The following PRDM10 variants were observed in gnomAD, a reference collection of about 807,000 sequenced individuals.
The protein encoded by PRDM10 is PR/SET domain 10, also known as PR domain zinc finger protein 10.
PRDM10 carries 65 observed loss-of-function variants against 133.1 expected under a neutral mutation model. The ratio of observed to expected loss-of-function variants is 0.49; its 90% CI spans 0.40 to 0.60. PRDM10 has a LOEUF of 0.60. PRDM10 is among the 20% of genes least tolerant of loss of function. PRDM10 has a pLI of 0.00. For synonymous variants in PRDM10, 582 were observed against 580.4 expected (o/e 1.00, Z -0.04); for missense variants, 1,137 against 1,507.1 (o/e 0.75, Z 4.07).
At chr11:129,929,396 G>A (rs774013187) in intron 11 of PRDM10, 110 of 1,566,768 alleles carry the variant, frequency 7.0e-5, no homozygotes, top group Non-Finnish European at 8.7e-5. Flanking sequence ...GTGAAACACA[G>A]GAAACAAACC....
intron 7 of PRDM10, among the ~76,000 whole-genome samples, chr11:129,940,373 A>G (rs577294650): frequency 6.6e-6 from 1 of 152,288 alleles, no homozygotes; most frequent in African/African-American, 2.4e-5. Flanking sequence ...GATTAGATTT[A>G]CTCAGCCAAG....
intron 1 of PRDM10, among the ~76,000 whole-genome samples, chr11:129,966,072 C>A (rs917914677): frequency 2.0e-5 from 3 of 151,956 alleles, no homozygotes; most frequent in African/African-American, 7.3e-5. Flanking sequence ...GGTGAAACCC[C>A]ATCTCTACTA....
intron 19 of PRDM10, among the ~76,000 whole-genome samples, chr11:129,907,797 G>A (rs1950061708): frequency 6.6e-6 from 1 of 151,904 alleles, no homozygotes; most frequent in Non-Finnish European, 1.5e-5. Context: ...GGGTATTAAA[G>A]AATTACTGTT....
intron 6 of PRDM10, among the ~76,000 whole-genome samples, chr11:129,944,395 C>CCATCTTGGCTAA (rs373627728): frequency 6.6e-6 from 1 of 151,344 alleles, no homozygotes; most frequent in South Asian, 2.1e-4. Context: ...GAGATCGAGA[C>CCATCTTGGCTAA]CACGGTGAAA....
At chr11:129,934,569 C>G (rs1180933187) in intron 9 of PRDM10, among the ~76,000 whole-genome samples, 1 of 152,062 alleles carries the variant, frequency 6.6e-6, no homozygotes, top group Non-Finnish European at 1.5e-5. Flanking sequence ...AAAATACAAT[C>G]AACATCACAA....
intron 17 of PRDM10, among the ~76,000 whole-genome samples, chr11:129,914,037 T>C (rs1168585598): frequency 6.6e-6 from 1 of 152,206 alleles, no homozygotes; most frequent in Non-Finnish European, 1.5e-5. Context: ...AGTCCTGTTC[T>C]GTCGCCCAGG....
In PRDM10 at chr11:129,957,797, C is replaced by G. The variant is rs889640020; in HGVS notation, c.183G>C (p.Val61=). 1.2e-6 allele frequency: 2 copies of G among 1,614,194 alleles called. No individual in the cohort carries two copies. Reference sequence around the variant, plus strand: ...ACACCAGCGTGTGCTCTGGACCATCCACTGATGTGTAGGAGGCACCATCTG... The same window carrying G: ...ACACCAGCGTGTGCTCTGGACCATCGACTGATGTGTAGGAGGCACCATCTG... The part of the protein sequence containing the change: ...YTADGASYTS[V]DGPEHTLVYI... The change falls in exon 3 of 21, where the codon GTG becomes GTC. Residue 61 remains valine, a synonymous_variant. Coordinates refer to ENST00000360871, the MANE Select transcript of PRDM10 (RefSeq NM_199437.2).
At chr11:129,936,938 G>A (rs1248677706) in intron 8 of PRDM10, among the ~76,000 whole-genome samples, 1 of 152,222 alleles carries the variant, frequency 6.6e-6, no homozygotes, top group African/African-American at 2.4e-5. Context: ...AATACCAAAT[G>A]AGAATAAATA....
chr11:129,905,363 GAAAAAAA>G lies in PRDM10; in HGVS notation c.3267+268_3267+274del, dbSNP rs57268294. Among the ~76,000 whole-genome samples the G allele has an allele frequency of 1.7e-3, 121 of 69,444 alleles. 3 individuals carry two copies. The highest frequency in any genetic ancestry group is 5.7e-3 in the African/African-American group (108 of 18,896). 45.6% of individuals were successfully genotyped at this position (69,444 alleles called of 152,430 possible). A position where few individuals can be genotyped will look rare whatever the true frequency, so the allele number is the denominator to read the frequency against. ...GGCGACACAGCAAGACTCTGTCTCAGAAAAAAAAAAAAAAAAAAAAGGCTCATAGGGA... is the reference window on the plus strand; with the variant it reads ...GGCGACACAGCAAGACTCTGTCTCAGAAAAAAAAAAAAAGGCTCATAGGGA... On this transcript the variant is annotated intron_variant, in intron 20 of 20. Coordinates refer to ENST00000360871, the MANE Select transcript of PRDM10 (RefSeq NM_199437.2).
intron 19 of PRDM10, among the ~76,000 whole-genome samples, chr11:129,907,752 T>A (rs895264361): frequency 5.9e-5 from 9 of 151,974 alleles, no homozygotes; most frequent in African/African-American, 2.2e-4. Context: ...CATAGAAATA[T>A]AAAAACCCTG....
rs1027659954 is a variant in PRDM10, at chr11:129,961,149, C to A, written c.-118-67G>T. ...AATACATTTTAATATATTATAATTT[C>A]AACCACAAATAATAAAAGAAAGCTT... On this transcript the variant is annotated intron_variant, in intron 1 of 20. Coordinates refer to ENST00000360871, the MANE Select transcript of PRDM10 (RefSeq NM_199437.2). 8.3e-6 allele frequency: 4 copies of A among 479,520 alleles called. No homozygotes were observed. The Admixed American group carries it at 1.5e-4, about 18-fold the overall frequency. 29.7% of individuals were successfully genotyped at this position (479,520 alleles called of 1,614,324 possible).
chr11:129,937,534 T>A, intron 8 of PRDM10, 64 bp downstream of exon 8: 1 of 1,465,382 alleles, frequency 6.8e-7, no homozygotes, highest in Non-Finnish European at 9.3e-7. Flanking sequence ...AGAGGTTTCA[T>A]AAAGATGTGA....
chr11:129,963,452 A>AAGAGAAGAGAAGAGAAG (rs766469989), intron 1 of PRDM10, among the ~76,000 whole-genome samples: 10 of 150,892 alleles, frequency 6.6e-5, no homozygotes, highest in African/African-American at 9.8e-5. Context: ...AAGAGAAGAG[A>AAGAGAAGAGAAGAGAAG]AGAAGTCATA....
intron 19 of PRDM10, among the ~76,000 whole-genome samples, chr11:129,907,309 G>A (rs1950045521): frequency 6.6e-6 from 1 of 152,152 alleles, no homozygotes; most frequent in Non-Finnish European, 1.5e-5. Context: ...CCTCAACACA[G>A]AAATTATAAC....
chr11:129,928,096 A>T (rs1385405919), intron 11 of PRDM10, among the ~76,000 whole-genome samples: 1 of 152,152 alleles, frequency 6.6e-6, no homozygotes, highest in Admixed American at 6.5e-5. Context: ...AAATGTTTCT[A>T]AAGTTTAGGG....
chr11:129,955,560 T>C lies in PRDM10; in HGVS notation c.246A>G (p.Thr82=), dbSNP rs1591658878. The C allele has an allele frequency of 6.2e-7, 1 of 1,614,072 alleles. No individual in the cohort carries two copies. The highest frequency in any genetic ancestry group is 1.1e-5 in the South Asian group (1 of 91,052). Reference sequence around the variant, plus strand: ...GGACATAAGCTACCTGGCCGGGGTCTGTAAACAGAGTCTAAACAAACAAAC... The same window carrying C: ...GGACATAAGCTACCTGGCCGGGGTCCGTAAACAGAGTCTAAACAAACAAAC... The part of the protein sequence containing the change: ...HPVEAAQTLF[T]DPGQVAYVQQ... The change falls in exon 4 of 21, where the codon ACA becomes ACG. Residue 82 remains threonine, a synonymous_variant. Transcript: ENST00000360871.
intron 1 of PRDM10, among the ~76,000 whole-genome samples, chr11:129,962,578 G>A (rs1487881326): frequency 6.6e-6 from 1 of 152,190 alleles, no homozygotes. Context: ...GGAACACAAG[G>A]GAACTTCATG....
chr11:129,902,869 G>C (rs1361652409), intron 20 of PRDM10, among the ~76,000 whole-genome samples: 1 of 151,928 alleles, frequency 6.6e-6, no homozygotes, highest in Non-Finnish European at 1.5e-5. Flanking sequence ...TCGATCTTAA[G>C]ATTAATACAG....
Position 129,918,538 on chromosome 11 carries a change from C to T in PRDM10, c.2214+1G>A. 1 of 1,613,356 alleles carries T rather than the reference C, an allele frequency of 6.2e-7. No individual in the cohort carries two copies. Among genetic ancestry groups the T allele is most frequent in the Non-Finnish European group, 8.5e-7 (1 of 1,179,624 alleles). ...GGAACCCGCAGCCACTGGGCACTGA[C>T]CAGCATGCCGCGCCGCCGGAAGCCC... On this transcript the variant is annotated splice_donor_variant, in intron 14 of 20. Coordinates refer to ENST00000360871, the MANE Select transcript of PRDM10 (RefSeq NM_199437.2). LOFTEE classifies it high-confidence loss of function. The surrounding 1 kb of genome is among the most constrained non-coding windows in gnomAD (Gnocchi z 5.3).
Sources: allele counts gnomAD v4.1 joint callset (sites outside exome capture counted in the v4.1 genomes callset), GRCh38; gene constraint gnomAD v4.1.1; non-coding constraint Gnocchi (gnomAD v3.1); transcripts MANE v1.5; gene names NCBI Gene and HGNC (gene_info 2026-07-23, HGNC 2026-07-21).